The following KLF8 variants were observed in gnomAD, a reference collection of about 807,000 sequenced individuals.
KLF8 encodes Krueppel-like factor 8.
Under a neutral mutation model 18.2 loss-of-function variants are expected in KLF8, and 10 were observed. The ratio of observed to expected loss-of-function variants is 0.55; its 90% CI spans 0.34 to 0.93. The LOEUF (loss-of-function observed/expected upper bound fraction) is 0.93, where lower values mean the gene tolerates loss of function less well. KLF8 is among the 40% of genes least tolerant of loss of function. The pLI is 0.02. For missense variants in KLF8, 264 were observed against 277.9 expected, an observed-to-expected ratio of 0.95 and a Z score of 0.36; for synonymous variants, 109 against 97.3, an observed-to-expected ratio of 1.12 and a Z score of -0.71.
chrX:56,067,957 G>C, the KLF8 span, among the ~76,000 whole-genome samples: 1 of 112,123 alleles, frequency 8.9e-6, no homozygotes, highest in Admixed American at 9.4e-5. Flanking sequence ...CTAGCCTAGC[G>C]GTCCTACTTT....
the KLF8 span, among the ~76,000 whole-genome samples, chrX:56,034,330 CAT>C: frequency 4.5e-5 from 5 of 111,848 alleles, no homozygotes; most frequent in African/African-American, 1.3e-4. Flanking sequence ...AATGAAAACA[CAT>C]GTGTTTATTT....
At chrX:56,148,052 AC>A in the KLF8 span, among the ~76,000 whole-genome samples, 2 of 111,872 alleles carry the variant, frequency 1.8e-5, no homozygotes, top group Non-Finnish European at 3.8e-5. Flanking sequence ...CTAATTATAC[AC>A]TTTTAAGTAG....
chrX:56,190,476 T>G, the KLF8 span, among the ~76,000 whole-genome samples: 2 of 111,702 alleles, frequency 1.8e-5, no homozygotes, highest in East Asian at 5.6e-4. Flanking sequence ...ATAGATCACA[T>G]AAATCTAATA....
At chrX:56,061,354 G>T in the KLF8 span, among the ~76,000 whole-genome samples, 1 of 111,731 alleles carries the variant, frequency 9.0e-6, no homozygotes, top group African/African-American at 3.3e-5. Context: ...CAGAGATTCT[G>T]GTAAGTTATG....
chrX:55,923,939 C>T, the KLF8 span, among the ~76,000 whole-genome samples: 2 of 111,331 alleles, frequency 1.8e-5, no homozygotes, highest in Non-Finnish European at 3.8e-5. Flanking sequence ...CACTTATACT[C>T]TAACACTCTT....
chrX:56,036,449 T>C, the KLF8 span, among the ~76,000 whole-genome samples: 1 of 111,993 alleles, frequency 8.9e-6, no homozygotes, highest in Non-Finnish European at 1.9e-5. Context: ...CTTTCCCCAA[T>C]GAATGTTCTT....
chrX:56,271,270 A>C (rs904193499), intron 5 of KLF8, among the ~76,000 whole-genome samples: 8 of 111,385 alleles, frequency 7.2e-5, no homozygotes, highest in African/African-American at 2.6e-4. Flanking sequence ...CTGTATTAGT[A>C]AATTTAATTG....
the KLF8 span, among the ~76,000 whole-genome samples, chrX:56,135,498 C>T: frequency 2.7e-5 from 3 of 109,940 alleles, no homozygotes; most frequent in African/African-American, 9.9e-5. Flanking sequence ...GGGAATTGAA[C>T]AATGAGAACA....
the KLF8 span, among the ~76,000 whole-genome samples, chrX:56,013,514 A>T: frequency 1.8e-5 from 2 of 111,719 alleles, no homozygotes; most frequent in Non-Finnish European, 1.9e-5. Flanking sequence ...GGGTGGAATG[A>T]TATGGCTTGG....
intron 5 of KLF8, among the ~76,000 whole-genome samples, chrX:56,277,977 C>T (rs2067144397): frequency 8.9e-6 from 1 of 112,639 alleles, no homozygotes; most frequent in African/African-American, 3.2e-5. Context: ...TGCTGATGTT[C>T]CCATAAGGCC....
At chrX:56,212,016 T>A in the KLF8 span, among the ~76,000 whole-genome samples, 2 of 111,277 alleles carry the variant, frequency 1.8e-5, no homozygotes, top group African/African-American at 3.3e-5. Context: ...CAAGGGTACT[T>A]CATTTAGCAA....
the KLF8 span, among the ~76,000 whole-genome samples, chrX:56,064,685 A>G: frequency 1.8e-5 from 2 of 110,703 alleles, no homozygotes; most frequent in Non-Finnish European, 3.8e-5. Context: ...TGTTTCCTCT[A>G]CCAGTGAGTT....
the KLF8 span, among the ~76,000 whole-genome samples, chrX:56,145,964 C>T: frequency 2.7e-5 from 3 of 111,892 alleles, no homozygotes; most frequent in South Asian, 1.1e-3. Context: ...TGAAAGAAAG[C>T]CCATCATCAC....
chrX:56,036,891 C>A, the KLF8 span, among the ~76,000 whole-genome samples: 15 of 107,858 alleles, frequency 1.4e-4, no homozygotes, highest in Non-Finnish European at 2.5e-4. Flanking sequence ...TCTGCTACAA[C>A]CTTCATTAAG....
At chrX:56,128,845 A>C in the KLF8 span, among the ~76,000 whole-genome samples, 1 of 112,449 alleles carries the variant, frequency 8.9e-6, no homozygotes, top group Admixed American at 9.4e-5. Flanking sequence ...TTGGTGTGCA[A>C]ATGTAGCTGA....
chrX:56,193,169 A>T, the KLF8 span, among the ~76,000 whole-genome samples: 3 of 112,867 alleles, frequency 2.7e-5, no homozygotes, highest in East Asian at 8.3e-4. Context: ...AAAATTAAAA[A>T]GACATTTCTC....
the KLF8 span, among the ~76,000 whole-genome samples, chrX:55,977,777 A>C: frequency 9.0e-6 from 1 of 111,581 alleles, no homozygotes; most frequent in Non-Finnish European, 1.9e-5. Context: ...GATCACTTGC[A>C]CTGCTAAGTA....
the KLF8 span, among the ~76,000 whole-genome samples, chrX:56,026,278 G>A: frequency 2.7e-5 from 3 of 111,540 alleles, no homozygotes; most frequent in Admixed American, 2.8e-4. Context: ...CGGTCATCTG[G>A]AGAAAAAGGG....
At chrX:56,270,979 T>C (rs1019850980) in intron 5 of KLF8, among the ~76,000 whole-genome samples, 3 of 111,972 alleles carry the variant, frequency 2.7e-5, no homozygotes, top group African/African-American at 9.7e-5. Flanking sequence ...AAATCAAAAA[T>C]ATTTTTTAAA....
Sources: allele counts gnomAD v4.1 joint callset (sites outside exome capture counted in the v4.1 genomes callset), GRCh38; gene constraint gnomAD v4.1.1; transcripts MANE v1.5; gene names NCBI Gene and HGNC (gene_info 2026-07-23, HGNC 2026-07-21).